Variants in DAP observed in about 807,000 individuals in gnomAD.
DAP encodes the protein death associated protein.
In DAP, 8 loss-of-function variants were observed where a neutral mutation model predicts 13.8. The observed-to-expected ratio is 0.58, with a 90% CI of 0.34 to 1.05. The LOEUF (loss-of-function observed/expected upper bound fraction) is 1.05. Among genes scored for constraint, DAP ranks in the 50% least tolerant of loss-of-function variants. The probability of loss-of-function intolerance (pLI) is 0.03; values close to 1 mark genes in which losing one functional copy is unlikely to be tolerated. For synonymous variants in DAP, 47 were observed against 47.5 expected (o/e 0.99, Z 0.04); for missense variants, 106 against 133.2 (o/e 0.80, Z 1.01).
chr5:10,711,200 A>G (rs1238364528), intron 2 of DAP, among the ~76,000 whole-genome samples: 1 of 152,226 alleles, frequency 6.6e-6, no homozygotes, highest in Non-Finnish European at 1.5e-5. Flanking sequence ...AGGGGAAGGT[A>G]GGTGTGAGCA....
chr5:10,702,997 A>G (rs2126646485), intron 2 of DAP, among the ~76,000 whole-genome samples: 1 of 152,326 alleles, frequency 6.6e-6, no homozygotes, highest in East Asian at 1.9e-4. Flanking sequence ...CAAATGCCTG[A>G]AGAATCTGGG....
chr5:10,761,069 GA>G lies in DAP; in HGVS notation c.-2del. ...GTTTCCCTTCGGGAGGCGAAGACAT[GA>G]CGCGGCGGGGCTTCCGCGGGGCCGA... On this transcript the variant is annotated 5_prime_UTR_variant, in exon 1 of 4. Coordinates refer to ENST00000230895, the MANE Select transcript of DAP (RefSeq NM_004394.3). The G allele has an allele frequency of 8.2e-7, 1 of 1,224,886 alleles. No homozygotes were observed. Among genetic ancestry groups the G allele is most frequent in the Non-Finnish European group, 1.0e-6 (1 of 972,030 alleles). The allele number at this position is 1,224,886 out of a possible 1,614,324, so 75.9% of individuals were successfully genotyped here. A position where few individuals can be genotyped will look rare whatever the true frequency, so the allele number is the denominator to read the frequency against.
At chr5:10,730,425 C>G (rs567382590) in intron 2 of DAP, among the ~76,000 whole-genome samples, 2 of 152,142 alleles carry the variant, frequency 1.3e-5, no homozygotes, top group Non-Finnish European at 2.9e-5. Flanking sequence ...GGGGGGGAAT[C>G]TTTCTCTACT....
intron 1 of DAP, among the ~76,000 whole-genome samples, chr5:10,756,860 A>C (rs1740197806): frequency 6.6e-6 from 1 of 152,218 alleles, no homozygotes; most frequent in East Asian, 1.9e-4. Flanking sequence ...AAACAGAAAG[A>C]ATCTCGCTAA....
In DAP at chr5:10,761,118, C is replaced by G; in HGVS notation, c.-50G>C. On this transcript the variant is annotated 5_prime_UTR_variant, in exon 1 of 4. Coordinates refer to ENST00000230895, the MANE Select transcript of DAP (RefSeq NM_004394.3). ...CGAGGCGGCGGCGCGGTTCTCGGGCCGGGCGGGCGTGCGCGAGTGAGCTCA... is the reference window on the plus strand; with the variant it reads ...CGAGGCGGCGGCGCGGTTCTCGGGCGGGGCGGGCGTGCGCGAGTGAGCTCA... 1.8e-6 allele frequency: 2 copies of G among 1,107,566 alleles called. No homozygotes were observed. Among genetic ancestry groups the G allele is most frequent in the Non-Finnish European group, 2.3e-6 (2 of 878,828 alleles). The allele number at this position is 1,107,566 out of a possible 1,614,324, so 68.6% of individuals were successfully genotyped here.
chr5:10,701,530 G>A (rs1698951607), intron 2 of DAP, among the ~76,000 whole-genome samples: 1 of 143,760 alleles, frequency 7.0e-6, no homozygotes, highest in African/African-American at 2.6e-5. Flanking sequence ...TGATTGCAAT[G>A]TCAGATGACA....
At chr5:10,683,807 G>A (rs5745288) in intron 2 of DAP, among the ~76,000 whole-genome samples, 13,447 of 152,140 alleles carry the variant, frequency 0.088, 840 homozygotes, top group African/African-American at 0.17. Flanking sequence ...AGCCAACTGC[G>A]AGTGAATTGC....
intron 1 of DAP, among the ~76,000 whole-genome samples, chr5:10,752,861 C>A (rs546129244): frequency 6.6e-6 from 1 of 152,228 alleles, no homozygotes; most frequent in Non-Finnish European, 1.5e-5. Flanking sequence ...ACCTGGCACA[C>A]AGGATGTGCT....
At chr5:10,747,891 G>T (rs1456528500) in intron 2 of DAP, among the ~76,000 whole-genome samples, 3 of 147,554 alleles carry the variant, frequency 2.0e-5, no homozygotes, top group South Asian at 4.4e-4. Context: ...GTGGAGGTAG[G>T]TCTCTAACTG....
At chr5:10,691,752 A>G (rs1579786844) in intron 2 of DAP, among the ~76,000 whole-genome samples, 1 of 152,216 alleles carries the variant, frequency 6.6e-6, no homozygotes, top group Non-Finnish European at 1.5e-5. Context: ...AAGAACTGCA[A>G]GCCAGGCAGA....
At chr5:10,753,716 G>A (rs1161127071) in intron 1 of DAP, among the ~76,000 whole-genome samples, 2 of 152,220 alleles carry the variant, frequency 1.3e-5, no homozygotes, top group African/African-American at 2.4e-5. Context: ...GAACCAGGGA[G>A]CAATTTCCAG....
At chr5:10,700,211 G>A (rs772098496) in intron 2 of DAP, among the ~76,000 whole-genome samples, 4 of 152,208 alleles carry the variant, frequency 2.6e-5, no homozygotes, top group South Asian at 4.1e-4. Flanking sequence ...CTATGTACAC[G>A]TAGACATCTA....
chr5:10,688,485 CA>C (rs1315275857), intron 2 of DAP, among the ~76,000 whole-genome samples: 3 of 152,036 alleles, frequency 2.0e-5, no homozygotes, highest in Non-Finnish European at 4.4e-5. Context: ...ACTGTGAAAC[CA>C]AAAAGTTGTG....
At chr5:10,728,940 A>G (rs1035389393) in intron 2 of DAP, among the ~76,000 whole-genome samples, 12 of 152,214 alleles carry the variant, frequency 7.9e-5, no homozygotes, top group African/African-American at 2.9e-4. Context: ...CAACCAGTAC[A>G]GATTCACCAT....
intron 2 of DAP, among the ~76,000 whole-genome samples, chr5:10,690,903 C>G (rs5745267): frequency 4.6e-5 from 7 of 152,210 alleles, no homozygotes; most frequent in Non-Finnish European, 8.8e-5. Context: ...CCACCAGCAA[C>G]GCACATGGGT....
Position 10,727,525 on chromosome 5 carries a change from G to A in DAP, c.152+20650C>T, listed in dbSNP as rs545814730. On this transcript the variant is annotated intron_variant, in intron 2 of 3. Coordinates refer to ENST00000230895, the MANE Select transcript of DAP (RefSeq NM_004394.3). ...CTGCTGCCTTGCTCCTGATGCTCAAGGGCCCGACTTCATTCTGAGGGTTTA... is the reference window on the plus strand; with the variant it reads ...CTGCTGCCTTGCTCCTGATGCTCAAAGGCCCGACTTCATTCTGAGGGTTTA... 2.6e-4 allele frequency among the ~76,000 whole-genome samples: 39 copies of A among 152,288 alleles called. 1 individual carries two copies. The South Asian group carries it at 8.1e-3, about 32-fold the overall frequency.
At chr5:10,759,349 C>G (rs1447921322) in intron 1 of DAP, among the ~76,000 whole-genome samples, 1 of 152,132 alleles carries the variant, frequency 6.6e-6, no homozygotes, top group East Asian at 1.9e-4. Context: ...CAGCCCTGCC[C>G]GGGGTGGAAA....
At chr5:10,742,937 C>CCAT (rs1231179147) in intron 2 of DAP, among the ~76,000 whole-genome samples, 2 of 152,150 alleles carry the variant, frequency 1.3e-5, no homozygotes, top group Admixed American at 6.5e-5. Context: ...ATCCATCCAT[C>CCAT]CATCCATCCA....
chr5:10,760,875 G>T, intron 1 of DAP, 139 bp downstream of exon 1: 1 of 417,252 alleles, frequency 2.4e-6, no homozygotes, highest in Non-Finnish European at 3.7e-6. Flanking sequence ...CGCGGCCCGC[G>T]CCCCTCGGGC....
Sources: allele counts gnomAD v4.1 joint callset (sites outside exome capture counted in the v4.1 genomes callset), GRCh38; gene constraint gnomAD v4.1.1; transcripts MANE v1.5; gene names NCBI Gene and HGNC (gene_info 2026-07-23, HGNC 2026-07-21).